SYT11: variants seen among roughly 807,000 people sequenced by gnomAD.
SYT11 encodes the protein synaptotagmin-11.
SYT11 carries 12 observed loss-of-function variants against 30.4 expected under a neutral mutation model. That is an observed-to-expected ratio of 0.39 (90% confidence interval 0.25 to 0.64). The LOEUF (loss-of-function observed/expected upper bound fraction) is 0.64. Among genes scored for constraint, SYT11 ranks in the 30% least tolerant of loss-of-function variants. SYT11 has a pLI of 0.45. For missense variants in SYT11, 412 were observed against 552.0 expected (o/e 0.75, Z 2.54); for synonymous variants, 204 against 216.0 (o/e 0.94, Z 0.49).
intron 2 of SYT11, among the ~76,000 whole-genome samples, chr1:155,869,238 G>A (rs924933428): frequency 6.6e-6 from 1 of 150,664 alleles, no homozygotes; most frequent in Non-Finnish European, 1.5e-5. Flanking sequence ...CTAACCTAGG[G>A]GTGTAAATGA....
chr1:155,859,671 G>A lies in SYT11; in HGVS notation c.-91G>A. The A allele has an allele frequency of 1.6e-6, 2 of 1,280,254 alleles. No homozygotes were observed. Among genetic ancestry groups the A allele is most frequent in the East Asian group, 2.3e-5 (1 of 43,446 alleles). The allele number at this position is 1,280,254 out of a possible 1,614,324, so 79.3% of individuals were successfully genotyped here. On this transcript the variant is annotated 5_prime_UTR_variant, in exon 1 of 4. Transcript: ENST00000368324. Reference sequence around the variant, plus strand: ...TACCTTCCCCCTTCCCTGACCTAGAGCTCTACAGCTGCTGCCTCGGTACTG... The same window carrying A: ...TACCTTCCCCCTTCCCTGACCTAGAACTCTACAGCTGCTGCCTCGGTACTG...
At chr1:155,866,548 T>C (rs1321808446) in intron 1 of SYT11, among the ~76,000 whole-genome samples, 1 of 152,260 alleles carries the variant, frequency 6.6e-6, no homozygotes, top group Non-Finnish European at 1.5e-5. Context: ...TGAAGATAAA[T>C]AATAAATTGT....
intron 1 of SYT11, among the ~76,000 whole-genome samples, chr1:155,865,548 A>C (rs1672658563): frequency 6.6e-6 from 1 of 151,798 alleles, no homozygotes; most frequent in Non-Finnish European, 1.5e-5. Context: ...GAATTGCTTG[A>C]ACTCTGGAGG....
At chr1:155,865,520 C>T (rs545646379) in intron 1 of SYT11, among the ~76,000 whole-genome samples, 1 of 151,348 alleles carries the variant, frequency 6.6e-6, no homozygotes, top group African/African-American at 2.4e-5. Flanking sequence ...CCCAGCTACT[C>T]GGGAGGCTGA....
intron 1 of SYT11, among the ~76,000 whole-genome samples, chr1:155,867,354 C>A (rs1451677103): frequency 6.6e-6 from 1 of 152,142 alleles, no homozygotes; most frequent in Non-Finnish European, 1.5e-5. Context: ...CCACTGCACC[C>A]AGCCTTGTAT....
At chr1:155,880,161 C>T (rs1409138028) in intron 2 of SYT11, among the ~76,000 whole-genome samples, 1 of 152,032 alleles carries the variant, frequency 6.6e-6, no homozygotes, top group African/African-American at 2.4e-5. Context: ...CACTGAATTC[C>T]AATCTGGGCA....
chr1:155,881,292 T>A lies in SYT11; in HGVS notation c.1080T>A (p.Asn360Lys). The change falls in exon 4 of 4, where the codon AAT becomes AAA. Residue 360 changes from asparagine to lysine, a missense_variant. Coordinates refer to ENST00000368324, the MANE Select transcript of SYT11 (RefSeq NM_152280.5). ...AGTGCACTTTGAACCCCATCTTCAATGAATCTTTCATCTACGACATCCCCA... is the reference window on the plus strand; with the variant it reads ...AGTGCACTTTGAACCCCATCTTCAAAGAATCTTTCATCTACGACATCCCCA... Reference protein sequence around the residue: ...VKKCTLNPIFNESFIYDIPTD... With the variant: ...VKKCTLNPIFKESFIYDIPTD... The A allele has an allele frequency of 6.2e-7, 1 of 1,614,154 alleles. No individual in the cohort carries two copies.
In SYT11 at chr1:155,880,527, G is replaced by T; in HGVS notation, c.889G>T (p.Val297Leu). 6.2e-7 allele frequency: 1 copy of T among 1,614,082 alleles called. No homozygotes were observed. The highest frequency in any genetic ancestry group is 8.5e-7 in the Non-Finnish European group (1 of 1,179,958). ...QKCISRGELQ[V>L]SLSYQPVAQR... is the part of the protein sequence containing the mutation. The stretch of plus-strand genomic sequence containing the variant: ...GTGCATCAGCAGAGGGGAGCTCCAG[G>T]TGTCTCTGTCATATCAGCCTGTGGC... Residue 297 changes from valine to leucine, a missense_variant, in exon 3 of 4, where the codon GTG (valine) becomes TTG (leucine). Coordinates refer to ENST00000368324, the MANE Select transcript of SYT11 (RefSeq NM_152280.5).
rs1673029813 is a variant in SYT11, at chr1:155,884,245, G to A, written c.*2737G>A. 6.5e-6 allele frequency: 1 copy of A among 152,740 alleles called. No homozygotes were observed. The highest frequency in any genetic ancestry group is 2.4e-5 in the African/African-American group (1 of 41,412). 9.5% of individuals were successfully genotyped at this position (152,740 alleles called of 1,614,324 possible). On this transcript the variant is annotated 3_prime_UTR_variant, in exon 4 of 4. Transcript: ENST00000368324. ...TTGCCCTGCTGTGTGTGCCTCTGTA[G>A]CTCCTCCTGACAAACGTCTGGGAAA... is the stretch of plus-strand genomic sequence containing the variant.
intron 1 of SYT11, among the ~76,000 whole-genome samples, chr1:155,861,323 T>C (rs1672585636): frequency 6.6e-6 from 1 of 152,230 alleles, no homozygotes; most frequent in African/African-American, 2.4e-5. Context: ...GATTTCTTCC[T>C]GTTCTTTTTC....
At chr1:155,873,498 T>G (rs1010141922) in intron 2 of SYT11, among the ~76,000 whole-genome samples, 5 of 152,228 alleles carry the variant, frequency 3.3e-5, no homozygotes, top group African/African-American at 9.6e-5. Flanking sequence ...GAATCATATT[T>G]AAAGACTGCA....
rs929563464 is a variant in SYT11, at chr1:155,860,610, A to G, written c.34+815A>G. ...CTGGCGGGGGCGCGATCCAGGCCGG[A>G]GGGGGAGGGGCGAAAGAGGCCCAGC... is the stretch of plus-strand genomic sequence containing the variant. On this transcript the variant is annotated intron_variant, in intron 1 of 3. Transcript: ENST00000368324. The surrounding 1 kb of genome is among the most constrained non-coding windows in gnomAD (Gnocchi z 4.1). Among the ~76,000 whole-genome samples the G allele has an allele frequency of 6.6e-6, 1 of 151,390 alleles. No homozygotes were observed. The highest frequency in any genetic ancestry group is 1.5e-5 in the Non-Finnish European group (1 of 67,840).
chr1:155,876,235 CTTTTTTTTTTTTT>C (rs67952920), intron 2 of SYT11, among the ~76,000 whole-genome samples: 7 of 96,118 alleles, frequency 7.3e-5, no homozygotes, highest in African/African-American at 2.8e-4. Flanking sequence ...ACTCACCTCC[CTTTTTTTTTTTTT>C]TTTTTTTTTT....
At chr1:155,869,699 T>C (rs1351621412) in intron 2 of SYT11, among the ~76,000 whole-genome samples, 4 of 152,160 alleles carry the variant, frequency 2.6e-5, no homozygotes, top group Non-Finnish European at 5.9e-5. Context: ...CTCTTTGTAT[T>C]AGAAGAGGGA....
intron 1 of SYT11, among the ~76,000 whole-genome samples, chr1:155,865,333 C>T (rs1185683981): frequency 6.6e-6 from 1 of 152,032 alleles, no homozygotes; most frequent in East Asian, 1.9e-4. Flanking sequence ...ATGCCTGATA[C>T]AAGAATGCTT....
chr1:155,864,317 T>G (rs1389752392), intron 1 of SYT11, among the ~76,000 whole-genome samples: 3 of 152,182 alleles, frequency 2.0e-5, no homozygotes, highest in African/African-American at 7.2e-5. Flanking sequence ...ACACAAAAAA[T>G]AGCAATTTTA....
chr1:155,861,722 G>A (rs530060498), intron 1 of SYT11, among the ~76,000 whole-genome samples: 2 of 152,260 alleles, frequency 1.3e-5, no homozygotes, highest in East Asian at 1.9e-4. Context: ...GGGTTCAAGC[G>A]ATTATCCTGC....
At chr1:155,863,315 T>C (rs1305534493) in intron 1 of SYT11, among the ~76,000 whole-genome samples, 3 of 152,020 alleles carry the variant, frequency 2.0e-5, no homozygotes, top group Non-Finnish European at 1.5e-5. Context: ...TAGCCAGGCA[T>C]AGTGGCATGG....
At chr1:155,872,266 G>C (rs917006228) in intron 2 of SYT11, among the ~76,000 whole-genome samples, 1 of 152,134 alleles carries the variant, frequency 6.6e-6, no homozygotes, top group Non-Finnish European at 1.5e-5. Flanking sequence ...GGGAGGAAAA[G>C]GGGGATGGGA....
Sources: gnomAD v4.1 joint callset for allele counts (sites outside exome capture counted in the v4.1 genomes callset) on GRCh38, gnomAD v4.1.1 for gene constraint, Gnocchi (gnomAD v3.1) non-coding constraint, MANE v1.5 for transcripts, NCBI Gene and HGNC (gene_info 2026-07-23, HGNC 2026-07-21) for gene names.